EYA2: variants seen among roughly 807,000 people sequenced by gnomAD.
EYA2 encodes the protein EYA transcriptional coactivator and phosphatase 2, also known as protein phosphatase EYA2.
A neutral mutation model predicts 69.2 loss-of-function variants in EYA2; 31 were observed. That is an observed-to-expected ratio of 0.45 (90% CI 0.34 to 0.60). The LOEUF is 0.60. Ranked by LOEUF, EYA2 falls within the 20% of genes least tolerant of loss-of-function variation. The pLI, the probability that EYA2 is intolerant of heterozygous loss-of-function variation, is 0.02. For synonymous variants in EYA2, 257 were observed against 279.4 expected (o/e 0.92, Z 0.80); for missense variants, 622 against 701.2 (o/e 0.89, Z 1.28).
chr20:47,093,729 G>A (rs1000649758), intron 8 of EYA2, among the ~76,000 whole-genome samples: 8 of 152,196 alleles, frequency 5.3e-5, no homozygotes, highest in African/African-American at 1.7e-4. Context: ...CCTGTGCACA[G>A]CGTCAGCAGG....
At chr20:47,068,083 C>T (rs1380865026) in intron 5 of EYA2, among the ~76,000 whole-genome samples, 1 of 152,176 alleles carries the variant, frequency 6.6e-6, no homozygotes, top group Non-Finnish European at 1.5e-5. Context: ...AGCCTACTAG[C>T]TTTATGACTT....
chr20:47,035,732 T>C, intron 5 of EYA2, among the ~76,000 whole-genome samples: 1 of 151,642 alleles, frequency 6.6e-6, no homozygotes, highest in Non-Finnish European at 1.5e-5. Flanking sequence ...TAGCTAATAC[T>C]GGGCCGGGCT....
chr20:46,947,141 T>C (rs964208521), intron 1 of EYA2, among the ~76,000 whole-genome samples: 1 of 151,984 alleles, frequency 6.6e-6, no homozygotes, highest in African/African-American at 2.4e-5. Context: ...CTCTAAAGAG[T>C]TGAGGAATGG....
At chr20:47,164,136 G>A (rs2034131889) in intron 10 of EYA2, among the ~76,000 whole-genome samples, 1 of 152,160 alleles carries the variant, frequency 6.6e-6, no homozygotes, top group African/African-American at 2.4e-5. Flanking sequence ...TGGCAGCGCT[G>A]AGGGTCGTGG....
At chr20:46,949,424 T>C (rs1489498394) in intron 1 of EYA2, among the ~76,000 whole-genome samples, 1 of 152,158 alleles carries the variant, frequency 6.6e-6, no homozygotes, top group Non-Finnish European at 1.5e-5. Context: ...GTAAAAGTAA[T>C]AGAGAACTCA....
At chr20:46,917,828 C>G (rs747692785) in intron 1 of EYA2, among the ~76,000 whole-genome samples, 4 of 152,168 alleles carry the variant, frequency 2.6e-5, no homozygotes, top group Non-Finnish European at 4.4e-5. Context: ...GAGGGTCTTG[C>G]CCCATTGTTG....
chr20:46,962,890 A>G (rs1384953555), intron 1 of EYA2, among the ~76,000 whole-genome samples: 2 of 152,346 alleles, frequency 1.3e-5, no homozygotes, highest in East Asian at 3.9e-4. Flanking sequence ...TCACCACCAG[A>G]GAGCCTGCTT....
intron 5 of EYA2, among the ~76,000 whole-genome samples, chr20:47,044,293 G>T (rs2029917126): frequency 6.7e-6 from 1 of 149,652 alleles, no homozygotes; most frequent in Admixed American, 6.7e-5. Context: ...GATAGCCCAT[G>T]AACCCTTCTT....
chr20:47,143,230 C>A (rs1201505457), intron 10 of EYA2, 82 bp downstream of exon 10: 6 of 1,199,850 alleles, frequency 5.0e-6, no homozygotes, highest in South Asian at 1.5e-5. Context: ...TGCTGCCTTT[C>A]CTTTCTTTTT....
At chr20:47,066,040 C>G (rs1014021240) in intron 5 of EYA2, among the ~76,000 whole-genome samples, 29 of 152,162 alleles carry the variant, frequency 1.9e-4, no homozygotes, top group Non-Finnish European at 3.2e-4. Context: ...TGAATATCCA[C>G]TTAAAAATTG....
intron 1 of EYA2, among the ~76,000 whole-genome samples, chr20:46,932,358 T>C (rs898953654): frequency 2.3e-4 from 35 of 152,146 alleles, no homozygotes; most frequent in African/African-American, 8.0e-4. Flanking sequence ...AAGTGGTACA[T>C]GGCTTTAAAG....
intron 7 of EYA2, among the ~76,000 whole-genome samples, chr20:47,078,201 A>T (rs1282891083): frequency 1.3e-5 from 2 of 152,242 alleles, no homozygotes; most frequent in African/African-American, 4.8e-5. Flanking sequence ...GTGTCTAACA[A>T]GCTGACATAA....
chr20:47,019,063 C>T (rs2050314557), intron 5 of EYA2, among the ~76,000 whole-genome samples: 1 of 152,214 alleles, frequency 6.6e-6, no homozygotes, highest in Non-Finnish European at 1.5e-5. Context: ...CAAGGTCACA[C>T]GGCCATGGCA....
chr20:47,046,586 A>G (rs1370792610), intron 5 of EYA2, among the ~76,000 whole-genome samples: 1 of 152,020 alleles, frequency 6.6e-6, no homozygotes, highest in Non-Finnish European at 1.5e-5. Flanking sequence ...CTTTGATGGG[A>G]GGCTTGTGTA....
chr20:47,034,599 C>CT (rs1487071819), intron 5 of EYA2, among the ~76,000 whole-genome samples: 1 of 152,200 alleles, frequency 6.6e-6, no homozygotes, highest in Non-Finnish European at 1.5e-5. Context: ...CCAGGCTATC[C>CT]TTGTGCCCGA....
At chr20:47,064,338 ATAT>A (rs1480285554) in intron 5 of EYA2, among the ~76,000 whole-genome samples, 7 of 152,226 alleles carry the variant, frequency 4.6e-5, no homozygotes, top group African/African-American at 1.7e-4. Context: ...TGGCGGAATA[ATAT>A]TCCATTGTAT....
At chr20:47,165,781 C>G (rs2034171548) in intron 10 of EYA2, among the ~76,000 whole-genome samples, 1 of 152,170 alleles carries the variant, frequency 6.6e-6, no homozygotes, top group Admixed American at 6.5e-5. Flanking sequence ...CACACTACCC[C>G]CTTGCCAACC....
intron 3 of EYA2, among the ~76,000 whole-genome samples, chr20:47,002,585 A>G (rs1394741823): frequency 6.6e-6 from 1 of 152,116 alleles, no homozygotes; most frequent in Non-Finnish European, 1.5e-5. Flanking sequence ...CTGTACCACA[A>G]TTTCTTTACC....
intron 1 of EYA2, chr20:46,901,487 C>T (rs554365351): frequency 1.3e-4 from 20 of 152,366 alleles, no homozygotes; most frequent in African/African-American, 4.1e-4. Context: ...GTGTCCACCA[C>T]GTCCTGAGTT....
Sources: gnomAD v4.1 joint callset for allele counts (sites outside exome capture counted in the v4.1 genomes callset) on GRCh38, gnomAD v4.1.1 for gene constraint, MANE v1.5 for transcripts, NCBI Gene and HGNC (gene_info 2026-07-23, HGNC 2026-07-21) for gene names.